PAPPA2: variants seen among roughly 807,000 people sequenced by gnomAD.
PAPPA2 encodes the protein pappalysin-2.
In PAPPA2, 86 loss-of-function variants were observed where a neutral mutation model predicts 176.4. The ratio of observed to expected loss-of-function variants is 0.49; its 90% CI spans 0.41 to 0.58. PAPPA2 has a LOEUF of 0.58. Ranked by LOEUF, PAPPA2 falls within the 20% of genes least tolerant of loss-of-function variation. The pLI is 0.00. For synonymous variants in PAPPA2, 809 were observed against 852.2 expected (o/e 0.95, Z 0.88); for missense variants, 2,073 against 2,256.9 (o/e 0.92, Z 1.65).
chr1:176,499,858 G>A (rs1243485372), intron 1 of PAPPA2, among the ~76,000 whole-genome samples: 2 of 152,128 alleles, frequency 1.3e-5, no homozygotes, highest in East Asian at 3.9e-4. Flanking sequence ...CCCTCTCTTA[G>A]CTTGTGGTAA....
chr1:176,673,120 C>T (rs982399146), intron 4 of PAPPA2, among the ~76,000 whole-genome samples: 5 of 152,052 alleles, frequency 3.3e-5, no homozygotes, highest in Non-Finnish European at 5.9e-5. Context: ...TCATAGCCTG[C>T]ACTTCATGGC....
chr1:176,716,985 A>G (rs899426837), intron 12 of PAPPA2, among the ~76,000 whole-genome samples: 1 of 151,966 alleles, frequency 6.6e-6, no homozygotes, highest in Admixed American at 6.6e-5. Context: ...AAAAATGAAA[A>G]CACCCTCCCT....
In PAPPA2 at chr1:176,791,449, G is replaced by C; in HGVS notation, c.4987G>C (p.Val1663Leu). Residue 1663 changes from valine (V) to leucine (L), a missense_variant, in exon 19 of 23, where the codon GTG (valine) becomes CTG (leucine). By Grantham distance (32) the Val-to-Leu change is conservative. Around this residue, in one of 4 missense-constraint regions of PAPPA2, gnomAD observed 846 missense variants for 857.9 expected, o/e 0.99. Coordinates refer to ENST00000367662, the MANE Select transcript of PAPPA2 (RefSeq NM_020318.3). ...ACCACCCCCCTCAGAGCTGAATTCT[G>C]TGGAGTACAAATGTGAACAAGGATA... is the stretch of plus-strand genomic sequence containing the variant. ...CPPPPSELNS[V>L]EYKCEQGYGI... The C allele has an allele frequency of 5.0e-6, 8 of 1,613,938 alleles. No homozygotes were observed. Among genetic ancestry groups the C allele is most frequent in the Non-Finnish European group, 6.8e-6 (8 of 1,179,850 alleles).
At position 176,556,936 on chromosome 1, in the gene PAPPA2, G is replaced by A. The variant is rs749349114; in HGVS notation, c.614G>A (p.Arg205Gln). 2.8e-5 allele frequency: 45 copies of A among 1,613,950 alleles called. No homozygotes were observed. Among genetic ancestry groups the A allele is most frequent in the Middle Eastern group, 3.3e-4 (2 of 6,084 alleles). The change falls in exon 2 of 23, where the codon CGG becomes CAG. Residue 205 changes from arginine (R) to glutamine (Q), a missense_variant. Coordinates refer to ENST00000367662, the MANE Select transcript of PAPPA2 (RefSeq NM_020318.3). ...CAGCGTCGCCAAGTGTGGAAGAGGC[G>A]GGCGGAAGATGGGCAGGGAGACTCC... ...SRQRRQVWKR[R>Q]AEDGQGDSGI... is the part of the protein sequence containing the mutation.
chr1:176,709,848 G>A, intron 10 of PAPPA2, 135 bp from the exon 11 acceptor site: 1 of 675,524 alleles, frequency 1.5e-6, no homozygotes, highest in Non-Finnish European at 2.5e-6. Flanking sequence ...GTTTGAGGTA[G>A]GCATTAGACT....
rs1037003978 is a variant in PAPPA2 at position 176,690,043 on chromosome 1, A to T, written c.2138-94A>T. 5.9e-6 allele frequency: 7 copies of T among 1,187,082 alleles called. No individual in the cohort carries two copies. The African/African-American group carries it at 1.1e-4, about 18-fold the overall frequency. The allele number at this position is 1,187,082 out of a possible 1,614,324, so 73.5% of individuals were successfully genotyped here. ...TATAAAGTGACTCCTTAGAGGCTGA[A>T]ATGGAATATTTGATGTTTATCAGAA... On this transcript the variant is annotated intron_variant, in intron 4 of 22. Transcript: ENST00000367662.
At chr1:176,643,863 C>T (rs1657240431) in intron 3 of PAPPA2, among the ~76,000 whole-genome samples, 1 of 151,824 alleles carries the variant, frequency 6.6e-6, no homozygotes, top group Admixed American at 6.6e-5. Context: ...AACACAGGCT[C>T]TGTCCTTCTG....
chr1:176,783,256 A>G (rs1664797060), intron 17 of PAPPA2, among the ~76,000 whole-genome samples: 1 of 152,210 alleles, frequency 6.6e-6, no homozygotes, highest in Non-Finnish European at 1.5e-5. Context: ...TGTTGTTGTT[A>G]TTATTCCTGA....
chr1:176,662,075 G>A (rs752958141), intron 3 of PAPPA2, among the ~76,000 whole-genome samples: 23 of 152,210 alleles, frequency 1.5e-4, no homozygotes, highest in South Asian at 4.1e-4. Flanking sequence ...CCAGGGTCTA[G>A]CACAGTGACT....
chr1:176,743,209 A>G (rs1206397907), intron 14 of PAPPA2, among the ~76,000 whole-genome samples: 1 of 152,222 alleles, frequency 6.6e-6, no homozygotes, highest in Non-Finnish European at 1.5e-5. Context: ...TTGGAAATCA[A>G]AGCATGCACG....
chr1:176,582,430 C>G (rs1466894951), intron 2 of PAPPA2, among the ~76,000 whole-genome samples: 1 of 152,108 alleles, frequency 6.6e-6, no homozygotes, highest in Non-Finnish European at 1.5e-5. Context: ...TTTCCCTGTT[C>G]AGTACGATAT....
At chr1:176,467,421 A>G (rs1432004300) in intron 1 of PAPPA2, among the ~76,000 whole-genome samples, 2 of 152,194 alleles carry the variant, frequency 1.3e-5, no homozygotes, top group African/African-American at 4.8e-5. Context: ...TTTGTTGGAA[A>G]CAGAGAATAG....
chr1:176,473,941 C>A (rs1393418013), intron 1 of PAPPA2, among the ~76,000 whole-genome samples: 1 of 152,144 alleles, frequency 6.6e-6, no homozygotes, highest in Non-Finnish European at 1.5e-5. Flanking sequence ...GTAAGTGAAA[C>A]ATCCAGTGAG....
At chr1:176,636,048 A>G (rs1656680941) in intron 3 of PAPPA2, among the ~76,000 whole-genome samples, 1 of 152,048 alleles carries the variant, frequency 6.6e-6, no homozygotes, top group African/African-American at 2.4e-5. Context: ...ATAACATGAA[A>G]CAGCTATTCT....
At chr1:176,602,521 A>C (rs1194275784) in intron 3 of PAPPA2, among the ~76,000 whole-genome samples, 1 of 152,194 alleles carries the variant, frequency 6.6e-6, no homozygotes, top group African/African-American at 2.4e-5. Context: ...TGTTGAGCCA[A>C]AGGCATGGTC....
intron 1 of PAPPA2, among the ~76,000 whole-genome samples, chr1:176,510,267 G>C (rs1648515083): frequency 6.6e-6 from 1 of 152,096 alleles, no homozygotes; most frequent in African/African-American, 2.4e-5. Flanking sequence ...GTTATGAACA[G>C]AGCAACAAAG....
intron 1 of PAPPA2, among the ~76,000 whole-genome samples, chr1:176,482,282 T>G (rs1272181063): frequency 6.6e-6 from 1 of 152,246 alleles, no homozygotes. Flanking sequence ...TGTGTAAATG[T>G]CAGTCATAAT....
intron 2 of PAPPA2, among the ~76,000 whole-genome samples, chr1:176,586,203 G>GT (rs1326749205): frequency 6.6e-6 from 1 of 151,814 alleles, no homozygotes; most frequent in East Asian, 1.9e-4. Flanking sequence ...TGTGTGTTTT[G>GT]TTTTTTACTT....
At chr1:176,495,414 C>G (rs1245579122) in intron 1 of PAPPA2, among the ~76,000 whole-genome samples, 3 of 151,830 alleles carry the variant, frequency 2.0e-5, no homozygotes, top group Non-Finnish European at 4.4e-5. Flanking sequence ...GTGGCGCATG[C>G]CTCTAATCCC....
Sources: allele counts gnomAD v4.1 joint callset (sites outside exome capture counted in the v4.1 genomes callset), GRCh38; gene constraint gnomAD v4.1.1; regional missense constraint gnomAD v4.1.1; transcripts MANE v1.5; gene names NCBI Gene and HGNC (gene_info 2026-07-23, HGNC 2026-07-21).